NEGR1: variants seen among roughly 807,000 people sequenced by gnomAD.
The protein encoded by NEGR1 is neuronal growth regulator 1.
NEGR1 carries 10 observed loss-of-function variants against 40.9 expected under a neutral mutation model. The ratio of observed to expected loss-of-function variants is 0.24; its 90% confidence interval spans 0.15 to 0.42. NEGR1 has a LOEUF of 0.42. NEGR1 is among the 10% of genes least tolerant of loss of function. NEGR1 has a pLI of 1.00. For missense variants in NEGR1, 352 were observed against 438.9 expected (o/e 0.80, Z 1.77); for synonymous variants, 185 against 166.8 (o/e 1.11, Z -0.84).
intron 6 of NEGR1, among the ~76,000 whole-genome samples, chr1:71,449,159 T>C (rs1031513084): frequency 2.0e-5 from 3 of 152,200 alleles, no homozygotes; most frequent in African/African-American, 7.2e-5. Context: ...TCAGAATTCA[T>C]TTTCACTATT....
chr1:71,440,560 A>T (rs1050314283), intron 6 of NEGR1, among the ~76,000 whole-genome samples: 1 of 152,186 alleles, frequency 6.6e-6, no homozygotes, highest in Non-Finnish European at 1.5e-5. Flanking sequence ...ATGGATAAGG[A>T]TTCTATTCAG....
At chr1:71,878,317 C>A (rs1221240995) in intron 2 of NEGR1, among the ~76,000 whole-genome samples, 3 of 152,102 alleles carry the variant, frequency 2.0e-5, no homozygotes, top group Admixed American at 2.0e-4. Flanking sequence ...AGCAGTGATT[C>A]TTACACTTTG....
chr1:71,698,902 CCTT>C (rs1421053625), intron 3 of NEGR1, among the ~76,000 whole-genome samples: 8 of 151,754 alleles, frequency 5.3e-5, no homozygotes, highest in Admixed American at 4.6e-4. Context: ...AATAAAGGCT[CCTT>C]CTTTTAATAA....
At chr1:72,270,879 A>G (rs1655819883) in intron 1 of NEGR1, among the ~76,000 whole-genome samples, 2 of 151,858 alleles carry the variant, frequency 1.3e-5, no homozygotes, top group South Asian at 4.1e-4. Flanking sequence ...TTCTACTTCC[A>G]AATGTGAAGC....
chr1:71,735,006 ATC>A (rs975934624), intron 3 of NEGR1, among the ~76,000 whole-genome samples: 2 of 151,820 alleles, frequency 1.3e-5, no homozygotes, highest in Admixed American at 6.6e-5. Context: ...TTACCCGGAA[ATC>A]TCTGTTACTC....
chr1:71,597,857 G>A (rs1200005258), intron 5 of NEGR1, among the ~76,000 whole-genome samples: 1 of 151,892 alleles, frequency 6.6e-6, no homozygotes, highest in Non-Finnish European at 1.5e-5. Context: ...AGGTTGCAGT[G>A]AGCCGAAATC....
rs192267593 is a variant in NEGR1, at chr1:71,605,409, C to T, written c.788+5617G>A. ...TCTAGAAAAAGAGGAGGGAATTCAA[C>T]GGTGCAGGCAAAATAACAAAAATCT... On this transcript the variant is annotated intron_variant, in intron 5 of 6. Transcript: ENST00000357731. Among the ~76,000 whole-genome samples, 382 of 152,164 alleles carry T rather than the reference C, an allele frequency of 2.5e-3. 1 individual carries two copies. The highest frequency in any genetic ancestry group is 3.6e-3 in the Non-Finnish European group (247 of 67,986).
chr1:71,617,944 G>A (rs1051829558), intron 4 of NEGR1, among the ~76,000 whole-genome samples: 37 of 152,142 alleles, frequency 2.4e-4, no homozygotes, highest in African/African-American at 6.3e-4. Context: ...AGAATGGGTC[G>A]CAAAACTTGC....
intron 1 of NEGR1, among the ~76,000 whole-genome samples, chr1:72,104,060 A>G (rs1649042875): frequency 6.6e-6 from 1 of 151,126 alleles, no homozygotes. Flanking sequence ...CCTATAAACC[A>G]CATTCATTAT....
chr1:71,601,599 C>T (rs503093), intron 5 of NEGR1, among the ~76,000 whole-genome samples: 2,647 of 152,246 alleles, frequency 0.017, 75 homozygotes, highest in African/African-American at 0.06. Context: ...AAATGTGGCA[C>T]ATATATTCAG....
At chr1:71,994,660 T>G (rs1304815165) in intron 1 of NEGR1, among the ~76,000 whole-genome samples, 2 of 152,130 alleles carry the variant, frequency 1.3e-5, no homozygotes, top group Non-Finnish European at 2.9e-5. Flanking sequence ...GGTGTGTCAT[T>G]GTTTATTTTC....
intron 6 of NEGR1, among the ~76,000 whole-genome samples, chr1:71,501,599 T>C (rs1646999752): frequency 6.6e-6 from 1 of 152,170 alleles, no homozygotes; most frequent in African/African-American, 2.4e-5. Context: ...AGCATATTTC[T>C]ATGGGCCCTG....
At chr1:72,181,985 C>T (rs185605806) in intron 1 of NEGR1, among the ~76,000 whole-genome samples, 3 of 152,102 alleles carry the variant, frequency 2.0e-5, no homozygotes, top group Non-Finnish European at 4.4e-5. Context: ...GTACAATATG[C>T]GGACCAGAGG....
At chr1:72,061,205 C>G (rs1647166979) in intron 1 of NEGR1, among the ~76,000 whole-genome samples, 1 of 151,598 alleles carries the variant, frequency 6.6e-6, no homozygotes, top group Non-Finnish European at 1.5e-5. Context: ...TCAAACTGAA[C>G]TATAGATGTA....
chr1:72,100,999 C>T (rs1648914769), intron 1 of NEGR1: 1 of 152,192 alleles, frequency 6.6e-6, no homozygotes, highest in Admixed American at 6.6e-5. Context: ...CCCATCAGAC[C>T]AGAGCCTCGC....
intron 6 of NEGR1, among the ~76,000 whole-genome samples, chr1:71,454,943 C>A (rs954504935): frequency 4.6e-5 from 7 of 152,190 alleles, no homozygotes; most frequent in Non-Finnish European, 8.8e-5. Context: ...CCAGCCCTAA[C>A]CTGGGGGTTG....
In NEGR1 at chr1:71,706,474, G is replaced by A. The variant is rs1290376542; in HGVS notation, c.536-8335C>T. Reference sequence around the variant, plus strand: ...AGGCCCAGACACAGTGGACTGGGAGGCACACAATATACTGAGATACCAGTA... The same window carrying A: ...AGGCCCAGACACAGTGGACTGGGAGACACACAATATACTGAGATACCAGTA... On this transcript the variant is annotated intron_variant, in intron 3 of 6. Transcript: ENST00000357731. Among the ~76,000 whole-genome samples the A allele has an allele frequency of 2.0e-5, 3 of 150,650 alleles. No homozygotes were observed. The East Asian group carries it at 5.9e-4, about 29-fold the overall frequency.
chr1:72,148,654 A>G (rs1028942899), intron 1 of NEGR1, among the ~76,000 whole-genome samples: 1 of 152,168 alleles, frequency 6.6e-6, no homozygotes, highest in African/African-American at 2.4e-5. Context: ...TGCTCCTTAG[A>G]AATTTCTTCC....
chr1:72,273,061 C>T lies in NEGR1; in HGVS notation c.176+9258G>A, dbSNP rs1259465773. On this transcript the variant is annotated intron_variant, in intron 1 of 6. Transcript: ENST00000357731. ...TTCAGAACCTGATATGGCTTAGAAA[C>T]CACTACACCAATAGATAACATCCTC... is the stretch of plus-strand genomic sequence containing the variant. Among the ~76,000 whole-genome samples the T allele has an allele frequency of 1.3e-5, 2 of 151,928 alleles. 1 individual carries two copies. Among genetic ancestry groups the T allele is most frequent in the South Asian group, 4.1e-4 (2 of 4,828 alleles).
Sources: gnomAD v4.1 joint callset for allele counts (sites outside exome capture counted in the v4.1 genomes callset) on GRCh38, gnomAD v4.1.1 for gene constraint, MANE v1.5 for transcripts, NCBI Gene and HGNC (gene_info 2026-07-23, HGNC 2026-07-21) for gene names.